TMEM132D: variants seen among roughly 807,000 people sequenced by gnomAD.
The protein encoded by TMEM132D is transmembrane protein 132D, also known as mature OL transmembrane protein.
A neutral mutation model predicts 62.3 loss-of-function variants in TMEM132D; 21 were observed. The observed-to-expected ratio is 0.34, with a 90% CI of 0.24 to 0.49. The LOEUF is 0.49. Ranked by LOEUF, TMEM132D falls within the 20% of genes least tolerant of loss-of-function variation. The pLI is 0.99. For missense variants in TMEM132D, 1,346 were observed against 1,402.8 expected (o/e 0.96, Z 0.65); for synonymous variants, 621 against 575.6 (o/e 1.08, Z -1.13).
At chr12:129,570,519 G>A (rs924319200) in intron 2 of TMEM132D, among the ~76,000 whole-genome samples, 6 of 152,206 alleles carry the variant, frequency 3.9e-5, no homozygotes, top group Admixed American at 1.3e-4. Flanking sequence ...GGTCACTGGA[G>A]GTTAATCCCA....
chr12:129,353,459 G>A (rs1048175185), intron 3 of TMEM132D, among the ~76,000 whole-genome samples: 2 of 152,138 alleles, frequency 1.3e-5, no homozygotes, highest in Admixed American at 1.3e-4. Context: ...TTTGGATTCA[G>A]AAACAAGAGT....
chr12:129,279,127 A>T (rs915338878), intron 4 of TMEM132D, among the ~76,000 whole-genome samples: 1 of 152,240 alleles, frequency 6.6e-6, no homozygotes, highest in Non-Finnish European at 1.5e-5. Context: ...AACACACAAA[A>T]AGAACCTGTG....
In TMEM132D at chr12:129,528,406, T is replaced by C. The variant is rs556775037; in HGVS notation, c.1115+2653A>G. Among the ~76,000 whole-genome samples, 19 of 145,186 alleles carry C rather than the reference T, an allele frequency of 1.3e-4. No individual in the cohort carries two copies. In the South Asian group the frequency reaches 4.2e-3, roughly 32 times the overall value. ...CTCTATTTTAGTTGCAGATGTCTTATGAAATAGGTAATACATGCACACAGC... is the reference window on the plus strand; with the variant it reads ...CTCTATTTTAGTTGCAGATGTCTTACGAAATAGGTAATACATGCACACAGC... On this transcript the variant is annotated intron_variant, in intron 3 of 8. Coordinates refer to ENST00000422113, the MANE Select transcript of TMEM132D (RefSeq NM_133448.3).
At chr12:129,433,038 T>C (rs1872703133) in intron 3 of TMEM132D, among the ~76,000 whole-genome samples, 1 of 152,228 alleles carries the variant, frequency 6.6e-6, no homozygotes, top group Admixed American at 6.5e-5. Context: ...TACACTTTTG[T>C]ATTTCGCTCC....
At chr12:129,832,708 C>T (rs141185356) in intron 1 of TMEM132D, among the ~76,000 whole-genome samples, 1 of 152,268 alleles carries the variant, frequency 6.6e-6, no homozygotes, top group East Asian at 1.9e-4. Flanking sequence ...GGGGACGCTG[C>T]AGGCATTTGT....
chr12:129,760,323 CTTTTTTTTTTTTTT>C (rs71082753), intron 1 of TMEM132D, among the ~76,000 whole-genome samples: 4 of 115,488 alleles, frequency 3.5e-5, no homozygotes, highest in Non-Finnish European at 5.0e-5. Flanking sequence ...AAGCCACTTT[CTTTTTTTTTTTTTT>C]TTTTTTTTTT....
At chr12:129,836,728 TAA>T (rs902045254) in intron 1 of TMEM132D, among the ~76,000 whole-genome samples, 2 of 151,860 alleles carry the variant, frequency 1.3e-5, no homozygotes, top group African/African-American at 4.8e-5. Flanking sequence ...CCCAAAACCA[TAA>T]AAAGAGATGA....
At chr12:129,384,363 A>T (rs1593359157) in intron 3 of TMEM132D, among the ~76,000 whole-genome samples, 1 of 152,222 alleles carries the variant, frequency 6.6e-6, no homozygotes, top group South Asian at 2.1e-4. Flanking sequence ...CACAAAAGAC[A>T]AAATAAATAA....
At chr12:129,718,297 G>A (rs1868668783) in intron 1 of TMEM132D, among the ~76,000 whole-genome samples, 2 of 152,222 alleles carry the variant, frequency 1.3e-5, no homozygotes, top group African/African-American at 4.8e-5. Flanking sequence ...TGACCCTGGG[G>A]ATGGACTCAG....
chr12:129,267,695 A>T (rs996256728), intron 4 of TMEM132D, among the ~76,000 whole-genome samples: 1 of 150,268 alleles, frequency 6.7e-6, no homozygotes, highest in Non-Finnish European at 1.5e-5. Context: ...TAAAGTTCAT[A>T]TGGAACCAAA....
At chr12:129,141,050 A>G (rs907852061) in intron 5 of TMEM132D, among the ~76,000 whole-genome samples, 1 of 152,202 alleles carries the variant, frequency 6.6e-6, no homozygotes, top group Non-Finnish European at 1.5e-5. Context: ...TTAGCACTGC[A>G]CACACTATAG....
At chr12:129,684,314 T>A (rs372704999) in intron 2 of TMEM132D, among the ~76,000 whole-genome samples, 1 of 152,116 alleles carries the variant, frequency 6.6e-6, no homozygotes, top group East Asian at 1.9e-4. Context: ...TCTCATGAGA[T>A]CTGATGGTTT....
intron 4 of TMEM132D, among the ~76,000 whole-genome samples, chr12:129,286,579 AG>A (rs755842074): frequency 2.4e-4 from 37 of 152,344 alleles, no homozygotes; most frequent in Non-Finnish European, 4.4e-4. Flanking sequence ...CTGGGCACCC[AG>A]GAAAATAAGA....
At chr12:129,834,643 G>A (rs1039765528) in intron 1 of TMEM132D, among the ~76,000 whole-genome samples, 8 of 152,134 alleles carry the variant, frequency 5.3e-5, no homozygotes, top group Non-Finnish European at 1.0e-4. Context: ...GACCTGAGTC[G>A]GTTTCAGGAT....
At chr12:129,763,086 G>A (rs1870437024) in intron 1 of TMEM132D, among the ~76,000 whole-genome samples, 3 of 152,122 alleles carry the variant, frequency 2.0e-5, no homozygotes, top group Non-Finnish European at 4.4e-5. Context: ...TGTTGTTGTT[G>A]TTTTTCCCTG....
chr12:129,365,375 T>C (rs1870372120), intron 3 of TMEM132D, among the ~76,000 whole-genome samples: 1 of 152,110 alleles, frequency 6.6e-6, no homozygotes, highest in African/African-American at 2.4e-5. Flanking sequence ...TTCCCTAAGA[T>C]TAGGCACCAA....
At chr12:129,156,752 G>T (rs1168480444) in intron 5 of TMEM132D, among the ~76,000 whole-genome samples, 1 of 151,398 alleles carries the variant, frequency 6.6e-6, no homozygotes, top group Non-Finnish European at 1.5e-5. Context: ...TCACTTCCAT[G>T]ATAACTAACC....
At chr12:129,342,411 T>C (rs1353690405) in intron 3 of TMEM132D, among the ~76,000 whole-genome samples, 2 of 151,292 alleles carry the variant, frequency 1.3e-5, no homozygotes, top group Admixed American at 6.6e-5. Flanking sequence ...TTACACTGTA[T>C]ACAAAAATTA....
intron 4 of TMEM132D, among the ~76,000 whole-genome samples, chr12:129,255,143 G>A (rs959754130): frequency 1.4e-4 from 22 of 152,228 alleles, no homozygotes; most frequent in African/African-American, 4.1e-4. Flanking sequence ...CTTCCACCGC[G>A]ACTGCATGAT....
Sources: allele counts gnomAD v4.1 joint callset (sites outside exome capture counted in the v4.1 genomes callset), GRCh38; gene constraint gnomAD v4.1.1; transcripts MANE v1.5; gene names NCBI Gene and HGNC (gene_info 2026-07-23, HGNC 2026-07-21).